The following UNC5D variants were observed in gnomAD, a reference collection of about 807,000 sequenced individuals.
UNC5D encodes the protein netrin receptor UNC5D.
A neutral mutation model predicts 105.4 loss-of-function variants in UNC5D; 39 were observed. The observed-to-expected ratio is 0.37, with a 90% CI of 0.29 to 0.48. The LOEUF (loss-of-function observed/expected upper bound fraction) is 0.48. Among genes scored for constraint, UNC5D ranks in the 20% least tolerant of loss-of-function variants. The pLI, the probability that UNC5D is intolerant of heterozygous loss-of-function variation, is 0.98. For missense variants in UNC5D, 991 were observed against 1,202.4 expected (o/e 0.82, Z 2.60); for synonymous variants, 452 against 450.4 (o/e 1.00, Z -0.04).
At chr8:35,242,410 A>T (rs2128802191) in intron 1 of UNC5D, among the ~76,000 whole-genome samples, 1 of 152,270 alleles carries the variant, frequency 6.6e-6, no homozygotes, top group South Asian at 2.1e-4. Flanking sequence ...GGGACTCACC[A>T]CCACTGGGAT....
intron 1 of UNC5D, among the ~76,000 whole-genome samples, chr8:35,408,181 C>T (rs1239929184): frequency 6.6e-6 from 1 of 151,990 alleles, no homozygotes; most frequent in African/African-American, 2.4e-5. Context: ...GCAATAAGAT[C>T]TATTTTAAAC....
chr8:35,293,788 G>A (rs1807256190), intron 1 of UNC5D, among the ~76,000 whole-genome samples: 1 of 152,176 alleles, frequency 6.6e-6, no homozygotes, highest in African/African-American at 2.4e-5. Context: ...CTTAAATGAT[G>A]TCCTCTCAAT....
chr8:35,650,392 G>A (rs1431676777), intron 4 of UNC5D, among the ~76,000 whole-genome samples: 1 of 152,166 alleles, frequency 6.6e-6, no homozygotes, highest in African/African-American at 2.4e-5. Flanking sequence ...CCAAGCAGGA[G>A]TATTTTACTC....
chr8:35,344,050 G>C (rs111918476), intron 1 of UNC5D, among the ~76,000 whole-genome samples: 3 of 152,158 alleles, frequency 2.0e-5, no homozygotes, highest in African/African-American at 4.8e-5. Flanking sequence ...GCTTGTGGGA[G>C]GTAGTGGCTT....
chr8:35,245,974 C>A (rs1182925862), intron 1 of UNC5D, among the ~76,000 whole-genome samples: 1 of 152,184 alleles, frequency 6.6e-6, no homozygotes, highest in Non-Finnish European at 1.5e-5. Context: ...TCACTTCACT[C>A]TCCATGGTGT....
intron 1 of UNC5D, among the ~76,000 whole-genome samples, chr8:35,363,009 G>C (rs889668405): frequency 6.6e-6 from 1 of 152,060 alleles, no homozygotes; most frequent in African/African-American, 2.4e-5. Flanking sequence ...CCAATCCCGG[G>C]TCACGTGTTG....
intron 1 of UNC5D, among the ~76,000 whole-genome samples, chr8:35,310,368 C>T (rs762681632): frequency 6.6e-6 from 1 of 152,146 alleles, no homozygotes; most frequent in Non-Finnish European, 1.5e-5. Context: ...TGCCTGTAAT[C>T]CCAGCACTTC....
At chr8:35,247,095 T>A (rs1056550379) in intron 1 of UNC5D, among the ~76,000 whole-genome samples, 1 of 152,068 alleles carries the variant, frequency 6.6e-6, no homozygotes, top group African/African-American at 2.4e-5. Flanking sequence ...TTCTCAGTGT[T>A]GTCCTTGCCT....
chr8:35,429,886 G>C (rs1338116072), intron 1 of UNC5D, among the ~76,000 whole-genome samples: 1 of 152,078 alleles, frequency 6.6e-6, no homozygotes, highest in African/African-American at 2.4e-5. Context: ...CGAATTTCAA[G>C]ACTGTTTTTG....
chr8:35,338,201 C>G (rs570951531), intron 1 of UNC5D, among the ~76,000 whole-genome samples: 1 of 152,206 alleles, frequency 6.6e-6, no homozygotes, highest in Admixed American at 6.5e-5. Flanking sequence ...GTAGAAATTG[C>G]ACCAGAAATT....
At chr8:35,466,343 T>C (rs1005444403) in intron 1 of UNC5D, among the ~76,000 whole-genome samples, 4 of 152,340 alleles carry the variant, frequency 2.6e-5, no homozygotes, top group African/African-American at 9.6e-5. Context: ...ATGTTCTGTA[T>C]CAGCACTTTT....
At chr8:35,356,188 TG>T (rs968660304) in intron 1 of UNC5D, among the ~76,000 whole-genome samples, 6 of 152,298 alleles carry the variant, frequency 3.9e-5, no homozygotes, top group African/African-American at 1.4e-4. Context: ...TTACCTCGTT[TG>T]CCTATTTTCC....
intron 1 of UNC5D, among the ~76,000 whole-genome samples, chr8:35,292,237 GAAGTA>G (rs1201365009): frequency 6.6e-6 from 1 of 152,146 alleles, no homozygotes; most frequent in Non-Finnish European, 1.5e-5. Flanking sequence ...TCTGAAGAAG[GAAGTA>G]AAGTGTCCGA....
At position 35,758,445 on chromosome 8, in the gene UNC5D, T is replaced by C. The variant is rs1487402380; in HGVS notation, c.2164-875T>C. On this transcript the variant is annotated intron_variant, in intron 13 of 16. Coordinates refer to ENST00000404895, the MANE Select transcript of UNC5D (RefSeq NM_080872.4). ...AGGAAATAATATATCAATTAATTAA[T>C]GGTGATTTCAAAAATGGACTTAGGG... Among the ~76,000 whole-genome samples the C allele has an allele frequency of 2.0e-5, 3 of 151,900 alleles. No individual in the cohort carries two copies. The East Asian group carries it at 5.8e-4, about 29-fold the overall frequency.
chr8:35,551,410 G>T (rs1399942929), intron 2 of UNC5D, among the ~76,000 whole-genome samples: 2 of 152,192 alleles, frequency 1.3e-5, no homozygotes, highest in Admixed American at 6.5e-5. Context: ...ACGAAGCCAT[G>T]TGGGTGGAAG....
At chr8:35,677,751 C>T (rs980016730) in intron 4 of UNC5D, among the ~76,000 whole-genome samples, 1 of 149,438 alleles carries the variant, frequency 6.7e-6, no homozygotes, top group Non-Finnish European at 1.5e-5. Flanking sequence ...CCAGTCATAA[C>T]ACCATAAACA....
At chr8:35,701,645 C>T (rs530732681) in intron 7 of UNC5D, among the ~76,000 whole-genome samples, 3 of 152,220 alleles carry the variant, frequency 2.0e-5, no homozygotes, top group Admixed American at 2.0e-4. Flanking sequence ...TACCTCCCCC[C>T]TCATATACAC....
chr8:35,512,535 G>GTA (rs71887063), intron 1 of UNC5D, among the ~76,000 whole-genome samples: 5 of 33,430 alleles, frequency 1.5e-4, no homozygotes, highest in Admixed American at 3.9e-4. Context: ...ATTCAGATAT[G>GTA]TATGTATATA....
intron 4 of UNC5D, among the ~76,000 whole-genome samples, chr8:35,677,759 A>G (rs1243152905): frequency 7.2e-6 from 1 of 137,978 alleles, no homozygotes; most frequent in Non-Finnish European, 1.6e-5. Context: ...AACACCATAA[A>G]CATCAAGTAT....
Sources: allele counts gnomAD v4.1 joint callset (sites outside exome capture counted in the v4.1 genomes callset), GRCh38; gene constraint gnomAD v4.1.1; transcripts MANE v1.5; gene names NCBI Gene and HGNC (gene_info 2026-07-23, HGNC 2026-07-21).